The following TMEM132D variants were observed in gnomAD, a reference collection of about 807,000 sequenced individuals.
TMEM132D encodes the protein transmembrane protein 132D.
Under a neutral mutation model 62.3 loss-of-function variants are expected in TMEM132D, and 21 were observed. The ratio of observed to expected loss-of-function variants is 0.34; its 90% confidence interval spans 0.24 to 0.49. The LOEUF (loss-of-function observed/expected upper bound fraction) is 0.49. Among genes scored for constraint, TMEM132D ranks in the 20% least tolerant of loss-of-function variants. The pLI, the probability that TMEM132D is intolerant of heterozygous loss-of-function variation, is 0.99. For synonymous variants in TMEM132D, 621 were observed against 575.6 expected, an observed-to-expected ratio of 1.08 and a Z score of -1.13; for missense variants, 1,346 against 1,402.8, an observed-to-expected ratio of 0.96 and a Z score of 0.65.
At chr12:129,313,520 G>C (rs1183709147) in intron 4 of TMEM132D, among the ~76,000 whole-genome samples, 1 of 151,336 alleles carries the variant, frequency 6.6e-6, no homozygotes, top group Non-Finnish European at 1.5e-5. Flanking sequence ...TGGCTGTGTA[G>C]TATTCCATCA....
rs187966728 is a variant in TMEM132D, at chr12:129,197,458, T to C, written c.1443+12062A>G. 2.7e-4 allele frequency among the ~76,000 whole-genome samples: 41 copies of C among 152,292 alleles called. No homozygotes were observed. In the East Asian group the frequency reaches 4.4e-3, roughly 16 times the overall value. On this transcript the variant is annotated intron_variant, in intron 5 of 8. Coordinates refer to ENST00000422113, the MANE Select transcript of TMEM132D (RefSeq NM_133448.3). ...AGGATAAAAATAATACCACTTTCAA[T>C]GGAGCAGAACAGAGAGCCTAGAAAT...
At position 129,774,520 on chromosome 12, in the gene TMEM132D, T is replaced by C. The variant is rs548820258; in HGVS notation, c.80-73822A>G. On this transcript the variant is annotated intron_variant, in intron 1 of 8. Transcript: ENST00000422113. ...GGGGGGCCCGTTGCAATCACGTCGG[T>C]TGTGGGATGGGGCAGTAAATACCAG... 5.9e-5 allele frequency among the ~76,000 whole-genome samples: 9 copies of C among 152,298 alleles called. 2 individuals carry two copies. Among genetic ancestry groups the C allele is most frequent in the African/African-American group, 2.2e-4 (9 of 41,562 alleles).
intron 2 of TMEM132D, among the ~76,000 whole-genome samples, chr12:129,596,544 G>A (rs1593081589): frequency 6.6e-6 from 1 of 152,122 alleles, no homozygotes; most frequent in East Asian, 1.9e-4. Flanking sequence ...GTCCCTGATA[G>A]AAAATAGTGT....
chr12:129,531,230 C>G (rs1876212087), intron 2 of TMEM132D, 25 bp from the exon 3 acceptor site: 2 of 1,590,928 alleles, frequency 1.3e-6, no homozygotes, highest in Middle Eastern at 2.3e-4. Flanking sequence ...ACGTGTGGGT[C>G]TGAGTCAGCT....
chr12:129,711,302 C>A (rs948504025), intron 1 of TMEM132D, among the ~76,000 whole-genome samples: 1 of 152,230 alleles, frequency 6.6e-6, no homozygotes, highest in African/African-American at 2.4e-5. Context: ...GTACAATCCA[C>A]AACATAAGCT....
intron 5 of TMEM132D, among the ~76,000 whole-genome samples, chr12:129,099,894 C>T (rs184486998): frequency 8.8e-5 from 11 of 125,714 alleles, no homozygotes; most frequent in South Asian, 2.3e-4. Flanking sequence ...GGCAGGATCT[C>T]GGCTCACTGC....
At chr12:129,465,692 TTTTATTTTATGAGACAGTC>T (rs1182358825) in intron 3 of TMEM132D, among the ~76,000 whole-genome samples, 1 of 152,012 alleles carries the variant, frequency 6.6e-6, no homozygotes, top group Non-Finnish European at 1.5e-5. Context: ...GAACTCCTTA[TTTTATTTTATGAGACAGTC>T]TTGCTCTGTC....
At chr12:129,081,545 G>A (rs527875259) in intron 7 of TMEM132D, among the ~76,000 whole-genome samples, 8 of 152,116 alleles carry the variant, frequency 5.3e-5, no homozygotes, top group South Asian at 2.1e-4. Flanking sequence ...TGACCTGCCC[G>A]CCTCGGCCTC....
At chr12:129,858,856 T>C (rs1163568290) in intron 1 of TMEM132D, among the ~76,000 whole-genome samples, 2 of 115,084 alleles carry the variant, frequency 1.7e-5, no homozygotes, top group Middle Eastern at 5.7e-3. Flanking sequence ...GGTGCCCTTG[T>C]AACAGAGTCC....
chr12:129,201,475 C>T (rs1878703107), intron 5 of TMEM132D, among the ~76,000 whole-genome samples: 3 of 152,172 alleles, frequency 2.0e-5, no homozygotes, highest in Admixed American at 6.5e-5. Context: ...ACCCTACTCC[C>T]CAAACTCCTC....
chr12:129,875,230 G>A (rs1874377036), intron 1 of TMEM132D, among the ~76,000 whole-genome samples: 1 of 152,178 alleles, frequency 6.6e-6, no homozygotes, highest in African/African-American at 2.4e-5. Context: ...CAAGGTCGTG[G>A]CTTAGAAGCC....
chr12:129,467,764 A>G (rs966002244), intron 3 of TMEM132D, among the ~76,000 whole-genome samples: 9 of 152,108 alleles, frequency 5.9e-5, no homozygotes, highest in African/African-American at 1.9e-4. Flanking sequence ...AATGGACTAA[A>G]TGTTTGGAAA....
chr12:129,555,215 T>C (rs1877021647), intron 2 of TMEM132D, among the ~76,000 whole-genome samples: 1 of 152,212 alleles, frequency 6.6e-6, no homozygotes, highest in African/African-American at 2.4e-5. Context: ...CCCGATGGTA[T>C]TCACATACAG....
rs146499882 is a variant in TMEM132D at position 129,230,859 on chromosome 12, C to T, written c.1300-21196G>A. Among the ~76,000 whole-genome samples, 461 of 152,302 alleles carry T rather than the reference C, an allele frequency of 3.0e-3. 1 individual carries two copies. The highest frequency in any genetic ancestry group is 3.7e-3 in the Non-Finnish European group (255 of 68,046). On this transcript the variant is annotated intron_variant, in intron 4 of 8. Transcript: ENST00000422113. ...AGTGCCCTAGTTGCTCAATCTGAAA[C>T]CTCAGGAGTGATGGCTTATGTCACA...
intron 5 of TMEM132D, among the ~76,000 whole-genome samples, chr12:129,171,223 C>A (rs1038851427): frequency 6.6e-6 from 1 of 152,182 alleles, no homozygotes; most frequent in Non-Finnish European, 1.5e-5. Context: ...ACTTTCTTTG[C>A]TCATCCATAA....
intron 3 of TMEM132D, among the ~76,000 whole-genome samples, chr12:129,459,334 C>T (rs556065737): frequency 3.3e-5 from 5 of 152,306 alleles, no homozygotes; most frequent in African/African-American, 4.8e-5. Context: ...TTTGGACACA[C>T]TTAACAATGA....
intron 3 of TMEM132D, among the ~76,000 whole-genome samples, chr12:129,411,608 G>A (rs1050580336): frequency 2.6e-5 from 4 of 151,970 alleles, no homozygotes; most frequent in East Asian, 1.9e-4. Flanking sequence ...TCCCACCTCC[G>A]CCTCCCAAAG....
At chr12:129,164,307 C>T (rs1381641616) in intron 5 of TMEM132D, among the ~76,000 whole-genome samples, 4 of 152,312 alleles carry the variant, frequency 2.6e-5, no homozygotes, top group South Asian at 2.1e-4. Context: ...TGCTCTCCAT[C>T]GGCCTGGTAT....
chr12:129,789,407 G>GA (rs1377840668), intron 1 of TMEM132D, among the ~76,000 whole-genome samples: 1 of 152,158 alleles, frequency 6.6e-6, no homozygotes, highest in Non-Finnish European at 1.5e-5. Flanking sequence ...GCCATTATGT[G>GA]AAAAAGATAC....
Sources: gnomAD v4.1 joint callset for allele counts (sites outside exome capture counted in the v4.1 genomes callset) on GRCh38, gnomAD v4.1.1 for gene constraint, MANE v1.5 for transcripts, NCBI Gene and HGNC (gene_info 2026-07-23, HGNC 2026-07-21) for gene names.